Variants in BTD observed in about 807,000 individuals in gnomAD.
The protein encoded by BTD is biocytinase.
BTD carries 13 observed loss-of-function variants against 17.7 expected under a neutral mutation model. That is an observed-to-expected ratio of 0.74 (90% CI 0.48 to 1.17). BTD has a LOEUF of 1.17. Among genes scored for constraint, BTD ranks in the 50% most tolerant of loss-of-function variants. The probability of loss-of-function intolerance (pLI) is 0.00; values close to 1 mark genes in which losing one functional copy is unlikely to be tolerated. For synonymous variants in BTD, 240 were observed against 245.2 expected, an observed-to-expected ratio of 0.98 and a Z score of 0.20; for missense variants, 674 against 650.4, an observed-to-expected ratio of 1.04 and a Z score of -0.39.
chr3:15,643,485 A>G (rs561553712), intron 3 of BTD, among the ~76,000 whole-genome samples: 37 of 152,262 alleles, frequency 2.4e-4, no homozygotes, highest in African/African-American at 8.9e-4. Context: ...TGGGCGACAG[A>G]GCCAGACCCT....
chr3:15,699,476 T>A (rs1262469098), intron 3 of BTD, among the ~76,000 whole-genome samples: 1 of 151,922 alleles, frequency 6.6e-6, no homozygotes, highest in Non-Finnish European at 1.5e-5. Context: ...TGGGAGAAAA[T>A]TTTTGCAATC....
At position 15,645,074 on chromosome 3, in the gene BTD, C is replaced by T. The variant is rs956882463; in HGVS notation, c.1158C>T (p.Val386=). The change falls in exon 4 of 4, where the codon GTC becomes GTT. Residue 386 remains valine, a synonymous_variant. Transcript: ENST00000643237. Reference sequence around the variant, plus strand: ...TGATGTATGACAATTTCACCCTGGTCCCTGTCTGGGGAAAGGAAGGCTATC... The same window carrying T: ...TGATGTATGACAATTTCACCCTGGTTCCTGTCTGGGGAAAGGAAGGCTATC... ...SEMMYDNFTL[V]PVWGKEGYLH... is the part of the protein sequence containing the mutation. 6.2e-7 allele frequency: 1 copy of T among 1,614,062 alleles called. No individual in the cohort carries two copies. Among genetic ancestry groups the T allele is most frequent in the African/African-American group, 1.3e-5 (1 of 74,914 alleles).
intron 1 of BTD, chr3:15,632,867 G>A (rs764367693): frequency 5.3e-5 from 8 of 152,218 alleles, no homozygotes; most frequent in Non-Finnish European, 7.3e-5. Flanking sequence ...TCCTGAGAAG[G>A]TATGTGTGAT....
chr3:15,607,847 G>T (rs547732541), intron 1 of BTD, among the ~76,000 whole-genome samples: 6 of 152,140 alleles, frequency 3.9e-5, no homozygotes, highest in African/African-American at 7.2e-5. Flanking sequence ...CTGTACAGCC[G>T]GAAATGTGTT....
At chr3:15,655,933 GCTGGGATTA>G (rs1368582386), downstream of BTD, among the ~76,000 whole-genome samples, 1 of 152,104 alleles carries the variant, frequency 6.6e-6, no homozygotes, top group Non-Finnish European at 1.5e-5. Flanking sequence ...CTCCCATGTA[GCTGGGATTA>G]CAGGCTCCTG....
chr3:15,701,979 T>C (rs2070698891), intron 3 of BTD, among the ~76,000 whole-genome samples: 1 of 152,134 alleles, frequency 6.6e-6, no homozygotes. Context: ...ATGTTAGTGA[T>C]AAAACAGAAA....
At chr3:15,657,993 A>C (rs2065888035), downstream of BTD, among the ~76,000 whole-genome samples, 1 of 151,672 alleles carries the variant, frequency 6.6e-6, no homozygotes, top group African/African-American at 2.4e-5. Context: ...CGTGGTGAAA[A>C]CCCATCTCTA....
At chr3:15,644,023 C>T (rs1190769580) in intron 3 of BTD, among the ~76,000 whole-genome samples, 3 of 147,796 alleles carry the variant, frequency 2.0e-5, no homozygotes, top group African/African-American at 5.0e-5. Context: ...TATTTTGAGA[C>T]GGAGTCTTGC....
intron 3 of BTD, among the ~76,000 whole-genome samples, chr3:15,702,023 T>G (rs775358071): frequency 7.2e-5 from 11 of 152,350 alleles, no homozygotes; most frequent in Non-Finnish European, 1.0e-4. Flanking sequence ...AATACAAAAC[T>G]TATTCTAATA....
intron 3 of BTD, chr3:15,675,795 C>A: frequency 1.0e-6 from 1 of 984,136 alleles, no homozygotes; most frequent in South Asian, 2.1e-5. Flanking sequence ...AACTTTAGCT[C>A]TCCTCTTTGA....
At chr3:15,678,600 T>C (rs1467620206) in intron 3 of BTD, among the ~76,000 whole-genome samples, 2 of 152,090 alleles carry the variant, frequency 1.3e-5, no homozygotes, top group Admixed American at 6.6e-5. Flanking sequence ...AATTACAAAA[T>C]TGCTAAAATA....
chr3:15,643,114 A>G (rs915120065), intron 3 of BTD, among the ~76,000 whole-genome samples: 4 of 152,144 alleles, frequency 2.6e-5, no homozygotes, highest in African/African-American at 9.7e-5. Flanking sequence ...AGAGTACCAA[A>G]TTTCCCGCTT....
intron 3 of BTD, among the ~76,000 whole-genome samples, chr3:15,709,038 T>C (rs1428523080): frequency 6.6e-6 from 1 of 152,192 alleles, no homozygotes; most frequent in African/African-American, 2.4e-5. Flanking sequence ...CAATTCCTAC[T>C]CTAAGTAACT....
intron 4 of BTD, chr3:15,721,062 A>G: frequency 6.2e-7 from 1 of 1,613,902 alleles, no homozygotes; most frequent in Non-Finnish European, 8.5e-7. Flanking sequence ...CATTCACTAC[A>G]ACATCTTGTC....
At chr3:15,675,817 T>G in intron 3 of BTD, 2 of 1,208,212 alleles carry the variant, frequency 1.7e-6, no homozygotes, top group South Asian at 3.7e-5. Flanking sequence ...CAATAAAAAA[T>G]ATCCAAGTTT....
intron 3 of BTD, among the ~76,000 whole-genome samples, chr3:15,691,125 CTTT>C (rs535516050): frequency 4.2e-5 from 6 of 141,440 alleles, no homozygotes; most frequent in South Asian, 2.3e-4. Context: ...CTGAAGTTGT[CTTT>C]TTTTTTTTTT....
At position 15,645,481 on chromosome 3, in the gene BTD, G is replaced by T. The variant is rs1160743397; in HGVS notation, c.1565G>T (p.Arg522Met). 1.2e-6 allele frequency: 2 copies of T among 1,605,932 alleles called. No individual in the cohort carries two copies. Among genetic ancestry groups the T allele is most frequent in the East Asian group, 4.5e-5 (2 of 44,888 alleles). Residue 522 changes from arginine (R) to methionine (M), a missense_variant, in exon 4 of 4, where the codon AGG (arginine) becomes ATG (methionine). Transcript: ENST00000643237. ...GCTCTCTATGGGCGCTTGTATGAGAGGGACTAGGAAAAGTGTGTGGTCTGT... is the reference window on the plus strand; with the variant it reads ...GCTCTCTATGGGCGCTTGTATGAGATGGACTAGGAAAAGTGTGTGGTCTGT... The part of the protein sequence containing the change: ...TAALYGRLYE[R>M]D
downstream of BTD, among the ~76,000 whole-genome samples, chr3:15,658,608 C>T (rs894512930): frequency 4.6e-5 from 7 of 152,078 alleles, no homozygotes; most frequent in African/African-American, 1.7e-4. Flanking sequence ...GTGGAAGCTA[C>T]CCTGCCCAAT....
intron 3 of BTD, among the ~76,000 whole-genome samples, chr3:15,700,071 T>C (rs1301766957): frequency 6.6e-6 from 1 of 152,214 alleles, no homozygotes; most frequent in African/African-American, 2.4e-5. Context: ...AAGGATGAGT[T>C]CATGTCCTTT....
Sources: gnomAD v4.1 joint callset for allele counts (sites outside exome capture counted in the v4.1 genomes callset) on GRCh38, gnomAD v4.1.1 for gene constraint, MANE v1.5 for transcripts, NCBI Gene and HGNC (gene_info 2026-07-23, HGNC 2026-07-21) for gene names.